The following ALPK1 variants were observed in gnomAD, a reference collection of about 807,000 sequenced individuals.
ALPK1 encodes the protein alpha-protein kinase 1.
In ALPK1, 110 loss-of-function variants were observed where a neutral mutation model predicts 120.6. The ratio of observed to expected loss-of-function variants is 0.91; its 90% CI spans 0.78 to 1.07. The LOEUF (loss-of-function observed/expected upper bound fraction) is 1.07. ALPK1 is among the 50% of genes least tolerant of loss of function. The pLI is 0.00. For missense variants in ALPK1, 1,498 were observed against 1,483.9 expected (o/e 1.01, Z -0.16); for synonymous variants, 582 against 560.3 (o/e 1.04, Z -0.55).
At chr4:112,361,039 G>A (rs942174687) in intron 2 of ALPK1, among the ~76,000 whole-genome samples, 2 of 151,336 alleles carry the variant, frequency 1.3e-5, no homozygotes, top group Non-Finnish European at 2.9e-5. Context: ...AACCAACCAT[G>A]GATTGAAAAT....
rs1245284362 is a variant in ALPK1, at chr4:112,344,241, G to C, written c.-101+28389G>C. 2.7e-5 allele frequency among the ~76,000 whole-genome samples: 4 copies of C among 150,268 alleles called. No homozygotes were observed. In the East Asian group the frequency reaches 7.8e-4, roughly 29 times the overall value. Reference sequence around the variant, plus strand: ...CCATGTCTTTAATTATCTCTTACTAGACAAAACTCCCTCGCACTTGGAGAA... The same window carrying C: ...CCATGTCTTTAATTATCTCTTACTACACAAAACTCCCTCGCACTTGGAGAA... On this transcript the variant is annotated intron_variant, in intron 2 of 15. Coordinates refer to ENST00000650871, the MANE Select transcript of ALPK1 (RefSeq NM_025144.4).
intron 2 of ALPK1, chr4:112,356,656 C>T (rs1730633699): frequency 1.2e-6 from 1 of 846,030 alleles, no homozygotes. Flanking sequence ...ATTTCTACAA[C>T]AATGTAGAAG....
At chr4:112,419,444 C>A (rs6533615) in intron 5 of ALPK1, among the ~76,000 whole-genome samples, 91,080 of 151,178 alleles carry the variant, frequency 0.6, 27,538 homozygotes, top group East Asian at 0.8. Context: ...AAAAATAGCA[C>A]AGCAATGAGG....
rs370837234 is a variant in ALPK1, at chr4:112,382,583, A to G, written c.276+31A>G. On this transcript the variant is annotated intron_variant, in intron 4 of 15. Coordinates refer to ENST00000650871, the MANE Select transcript of ALPK1 (RefSeq NM_025144.4). Reference sequence around the variant, plus strand: ...AAGAGCCACACCACCTGTTCCTCTGATATCCCCAAGTGAGGCATTTAGACT... The same window carrying G: ...AAGAGCCACACCACCTGTTCCTCTGGTATCCCCAAGTGAGGCATTTAGACT... 8.1e-6 allele frequency: 13 copies of G among 1,613,958 alleles called. No individual in the cohort carries two copies. The African/African-American group carries it at 1.6e-4, about 20-fold the overall frequency.
At chr4:112,303,937 C>A (rs1727904249) in intron 1 of ALPK1, among the ~76,000 whole-genome samples, 2 of 151,956 alleles carry the variant, frequency 1.3e-5, no homozygotes, top group African/African-American at 4.8e-5. Context: ...GTGTGATGTT[C>A]CCCTTCCTGT....
At chr4:112,419,541 A>G (rs1018998954) in intron 5 of ALPK1, among the ~76,000 whole-genome samples, 6 of 152,138 alleles carry the variant, frequency 3.9e-5, no homozygotes, top group Non-Finnish European at 1.5e-5. Flanking sequence ...GGAAGGATGA[A>G]AGGAAAGAGG....
intron 4 of ALPK1, among the ~76,000 whole-genome samples, chr4:112,399,544 C>T (rs2148740180): frequency 6.6e-6 from 1 of 152,044 alleles, no homozygotes; most frequent in East Asian, 1.9e-4. Context: ...GGGATAGGAG[C>T]TGGAGACAGA....
intron 1 of ALPK1, among the ~76,000 whole-genome samples, chr4:112,303,978 C>A (rs1313225338): frequency 6.6e-6 from 1 of 152,098 alleles, no homozygotes; most frequent in Non-Finnish European, 1.5e-5. Flanking sequence ...CAGTTCCCAC[C>A]TATGAGTGAG....
At chr4:112,440,317 T>G (rs1369272229) in intron 14 of ALPK1, among the ~76,000 whole-genome samples, 1 of 152,324 alleles carries the variant, frequency 6.6e-6, no homozygotes, top group Admixed American at 6.5e-5. Context: ...CTTTAAACTA[T>G]GTACTTAAAT....
At chr4:112,377,338 G>A (rs1288625300) in intron 2 of ALPK1, among the ~76,000 whole-genome samples, 2 of 152,216 alleles carry the variant, frequency 1.3e-5, no homozygotes, top group Non-Finnish European at 2.9e-5. Context: ...AGAGAGCAGA[G>A]AGTGTGGTGC....
At chr4:112,373,416 G>C (rs1055215749) in intron 2 of ALPK1, among the ~76,000 whole-genome samples, 2 of 152,168 alleles carry the variant, frequency 1.3e-5, no homozygotes, top group African/African-American at 4.8e-5. Flanking sequence ...AAAACGTTGT[G>C]ACTTATAGAC....
At chr4:112,368,570 A>T (rs1731257692) in intron 2 of ALPK1, among the ~76,000 whole-genome samples, 1 of 152,106 alleles carries the variant, frequency 6.6e-6, no homozygotes, top group African/African-American at 2.4e-5. Context: ...GCTTGGATTG[A>T]GGTTAATTTT....
chr4:112,427,478 A>G lies in ALPK1; in HGVS notation c.700-92A>G, dbSNP rs1734289611. The G allele has an allele frequency of 5.3e-6, 4 of 759,510 alleles. No individual in the cohort carries two copies. The East Asian group carries it at 1.0e-4, about 20-fold the overall frequency. 47.0% of individuals were successfully genotyped at this position (759,510 alleles called of 1,614,324 possible). A position where few individuals can be genotyped will look rare whatever the true frequency, so the allele number is the denominator to read the frequency against. ...AAATATTAATAGGCAAATAGTTCAT[A>G]TGGAGGAATAATCATAGCCTTTAGG... On this transcript the variant is annotated intron_variant, in intron 8 of 15. Transcript: ENST00000650871.
At chr4:112,382,574 GT>G (rs1731974279) in intron 4 of ALPK1, 22 bp downstream of exon 4, 1 of 1,613,982 alleles carries the variant, frequency 6.2e-7, no homozygotes, top group African/African-American at 1.3e-5. Flanking sequence ...CACACCACCT[GT>G]TCCTCTGATA....
chr4:112,387,952 C>T (rs1732227090), intron 4 of ALPK1, among the ~76,000 whole-genome samples: 1 of 152,158 alleles, frequency 6.6e-6, no homozygotes, highest in South Asian at 2.1e-4. Context: ...TTCCAATAGG[C>T]CCCAGTGTGT....
intron 2 of ALPK1, among the ~76,000 whole-genome samples, chr4:112,344,879 C>T (rs936680244): frequency 1.3e-5 from 2 of 152,140 alleles, no homozygotes; most frequent in African/African-American, 4.8e-5. Context: ...TTTGGTGGTA[C>T]CTGTGACAGC....
chr4:112,411,512 A>G (rs1408443126), intron 4 of ALPK1, among the ~76,000 whole-genome samples: 1 of 152,228 alleles, frequency 6.6e-6, no homozygotes, highest in Non-Finnish European at 1.5e-5. Flanking sequence ...GGCGTGAGCC[A>G]CCATGCCCGG....
chr4:112,434,417 T>C (rs1247064507), intron 11 of ALPK1, among the ~76,000 whole-genome samples: 1 of 152,202 alleles, frequency 6.6e-6, no homozygotes, highest in African/African-American at 2.4e-5. Context: ...TCCCATTCAT[T>C]TATCTATTTT....
rs187150141 is a variant in ALPK1, at chr4:112,361,512, A to C, written c.-100-16166A>C. ...CAGACTTAATCCCCCTGGGAGCATA[A>C]CTTCATTGGCCTGGGAACAAGACCC... On this transcript the variant is annotated intron_variant, in intron 2 of 15. Coordinates refer to ENST00000650871, the MANE Select transcript of ALPK1 (RefSeq NM_025144.4). Among the ~76,000 whole-genome samples, 10 of 152,224 alleles carry C rather than the reference A, an allele frequency of 6.6e-5. No individual in the cohort carries two copies. In the East Asian group the frequency reaches 1.9e-3, roughly 29 times the overall value.
Sources: allele counts gnomAD v4.1 joint callset (sites outside exome capture counted in the v4.1 genomes callset), GRCh38; gene constraint gnomAD v4.1.1; transcripts MANE v1.5; gene names NCBI Gene and HGNC (gene_info 2026-07-23, HGNC 2026-07-21).